The following SLC48A1 variants were observed in gnomAD, a reference collection of about 807,000 sequenced individuals.
SLC48A1 encodes heme transporter HRG1.
In SLC48A1, 6 loss-of-function variants were observed where a neutral mutation model predicts 14.8. The observed-to-expected ratio is 0.41, with a 90% CI of 0.22 to 0.80. The LOEUF (loss-of-function observed/expected upper bound fraction) is 0.80. SLC48A1 is among the 30% of genes least tolerant of loss of function. SLC48A1 has a pLI of 0.34. For synonymous variants in SLC48A1, 89 were observed against 90.0 expected, an observed-to-expected ratio of 0.99 and a Z score of 0.06; for missense variants, 165 against 204.8, an observed-to-expected ratio of 0.81 and a Z score of 1.19.
At chr12:47,773,224 C>A (rs1480085650), upstream of SLC48A1, 2 of 1,106,602 alleles carry the variant, frequency 1.8e-6, no homozygotes, top group Non-Finnish European at 2.2e-6. Context: ...GCGGCTCCCG[C>A]GGCTCCGGCT....
intron 2 of SLC48A1, among the ~76,000 whole-genome samples, chr12:47,760,873 A>G (rs1022857423): frequency 6.6e-6 from 1 of 152,150 alleles, no homozygotes; most frequent in Non-Finnish European, 1.5e-5. Context: ...TCTAATGTAG[A>G]CTAGACTGCC....
upstream of SLC48A1, among the ~76,000 whole-genome samples, chr12:47,770,406 C>T (rs1325820522): frequency 6.6e-6 from 1 of 152,232 alleles, no homozygotes; most frequent in Non-Finnish European, 1.5e-5. Flanking sequence ...AGTTTCGTCT[C>T]TTCCATTCTC....
At chr12:47,757,783 C>T (rs1942170684), upstream of SLC48A1, 2 of 1,346,100 alleles carry the variant, frequency 1.5e-6, no homozygotes, top group South Asian at 1.4e-5. Context: ...AGCTGGGCCA[C>T]CAGCAGCATG....
intron 1 of SLC48A1, chr12:47,778,788 CAGAG>C (rs1942803289): frequency 2.3e-6 from 1 of 436,890 alleles, no homozygotes. Flanking sequence ...AAAATAAAAT[CAGAG>C]AGAATGGTAG....
At chr12:47,779,264 C>A in intron 2 of SLC48A1, 69 bp downstream of exon 2, 10 of 1,489,234 alleles carry the variant, frequency 6.7e-6, no homozygotes, top group Non-Finnish European at 9.0e-6. Context: ...GCATTCCCAT[C>A]CTGGTTCCAC....
chr12:47,768,544 A>G (rs1942563901), upstream of SLC48A1: 1 of 152,214 alleles, frequency 6.6e-6, no homozygotes, highest in African/African-American at 2.4e-5. Flanking sequence ...AAACAAAGAC[A>G]TGCCCCAGGG....
upstream of SLC48A1, among the ~76,000 whole-genome samples, chr12:47,768,156 T>G (rs758777929): frequency 1.3e-5 from 2 of 152,150 alleles, no homozygotes; most frequent in Non-Finnish European, 2.9e-5. Flanking sequence ...TTTTGTATTT[T>G]TAGTAGAGAT....
At chr12:47,768,124 C>T (rs1444012288), upstream of SLC48A1, among the ~76,000 whole-genome samples, 12 of 152,098 alleles carry the variant, frequency 7.9e-5, no homozygotes, top group African/African-American at 2.9e-4. Flanking sequence ...ATTACAGGCA[C>T]GTGCCACCAC....
upstream of SLC48A1, among the ~76,000 whole-genome samples, chr12:47,767,983 T>A (rs1446477381): frequency 1.3e-5 from 2 of 151,292 alleles, no homozygotes; most frequent in East Asian, 1.9e-4. Context: ...TTTATTTAAA[T>A]TTTTTTTTTC....
At chr12:47,771,360 T>C (rs1159355279), upstream of SLC48A1, among the ~76,000 whole-genome samples, 1 of 152,086 alleles carries the variant, frequency 6.6e-6, no homozygotes, top group African/African-American at 2.4e-5. Flanking sequence ...TAGATGTTGA[T>C]GTGAACAAAA....
Position 47,780,747 on chromosome 12 carries a change from A to G in SLC48A1, c.*466A>G, listed in dbSNP as rs531316143. ...ATGCCCGGCAAATTTTTGTGTTTTT[A>G]GTAGAGACAGGGTTTTGCCATGTTG... is the stretch of plus-strand genomic sequence containing the variant. On this transcript the variant is annotated 3_prime_UTR_variant, in exon 3 of 3. Coordinates refer to ENST00000442218, the MANE Select transcript of SLC48A1 (RefSeq NM_017842.3). The G allele has an allele frequency of 3.3e-4, 134 of 404,238 alleles. 1 individual carries two copies. Among genetic ancestry groups the G allele is most frequent in the Middle Eastern group, 1.7e-3 (2 of 1,192 alleles). The allele number at this position is 404,238 out of a possible 1,614,324, so 25.0% of individuals were successfully genotyped here.
chr12:47,756,821 T>C (rs531131942), upstream of SLC48A1, among the ~76,000 whole-genome samples: 3 of 151,962 alleles, frequency 2.0e-5, no homozygotes, highest in African/African-American at 7.2e-5. Context: ...ATACAAAAAT[T>C]AGCTGGGCGT....
intron 1 of SLC48A1, among the ~76,000 whole-genome samples, chr12:47,776,444 C>T (rs1479562580): frequency 1.3e-5 from 2 of 152,124 alleles, no homozygotes; most frequent in African/African-American, 4.8e-5. Context: ...TAGGGAGATA[C>T]ATTGCCTCCT....
At chr12:47,772,488 T>C (rs1565779648), upstream of SLC48A1, among the ~76,000 whole-genome samples, 1 of 152,050 alleles carries the variant, frequency 6.6e-6, no homozygotes. Context: ...CTGGGCAATA[T>C]AGCGAGACCC....
upstream of SLC48A1, chr12:47,773,074 C>A (rs1457773625): frequency 2.5e-5 from 13 of 523,614 alleles, no homozygotes; most frequent in Non-Finnish European, 2.9e-5. Context: ...TAGCAGCATT[C>A]CCCCAAACGA....
intron 1 of SLC48A1, among the ~76,000 whole-genome samples, chr12:47,774,869 C>T (rs570046139): frequency 1.3e-5 from 2 of 152,340 alleles, no homozygotes; most frequent in South Asian, 4.1e-4. Context: ...CCCCGCCACC[C>T]TCCATGTTTG....
upstream of SLC48A1, chr12:47,754,155 G>A (rs1424021509): frequency 1.3e-5 from 2 of 152,210 alleles, no homozygotes; most frequent in East Asian, 3.8e-4. Flanking sequence ...GGTCAATAAG[G>A]GCACCAGGAT....
upstream of SLC48A1, chr12:47,753,976 A>C (rs1187142935): frequency 6.6e-6 from 1 of 152,268 alleles, no homozygotes; most frequent in African/African-American, 2.4e-5. Flanking sequence ...AATCCCTCTC[A>C]TTTTGACAAG....
At chr12:47,759,535 G>A (rs796134886) in intron 1 of SLC48A1, among the ~76,000 whole-genome samples, 3 of 94,254 alleles carry the variant, frequency 3.2e-5, no homozygotes, top group African/African-American at 1.3e-4. Flanking sequence ...TTCCAGGGGA[G>A]CAGAAGGTGT....
Sources: gnomAD v4.1 joint callset for allele counts (sites outside exome capture counted in the v4.1 genomes callset) on GRCh38, gnomAD v4.1.1 for gene constraint, MANE v1.5 for transcripts, NCBI Gene and HGNC (gene_info 2026-07-23, HGNC 2026-07-21) for gene names.